The following TBL1X variants were observed in gnomAD, a reference collection of about 807,000 sequenced individuals.
The protein encoded by TBL1X is transducin beta like 1 X-linked.
A neutral mutation model predicts 50.7 loss-of-function variants in TBL1X; 10 were observed. The observed-to-expected ratio is 0.20, with a 90% CI of 0.12 to 0.33. The LOEUF (loss-of-function observed/expected upper bound fraction) is 0.33. Ranked by LOEUF, TBL1X falls within the 10% of genes least tolerant of loss-of-function variation. The probability of loss-of-function intolerance (pLI) is 1.00; values close to 1 mark genes in which losing one functional copy is unlikely to be tolerated. For synonymous variants in TBL1X, 190 were observed against 214.7 expected, an observed-to-expected ratio of 0.88 and a Z score of 1.01; for missense variants, 340 against 504.4, an observed-to-expected ratio of 0.67 and a Z score of 3.12.
chrX:9,674,218 A>C (rs2082977324), intron 5 of TBL1X, among the ~76,000 whole-genome samples: 1 of 112,158 alleles, frequency 8.9e-6, no homozygotes, highest in Non-Finnish European at 1.9e-5. Flanking sequence ...TGCAATGAGC[A>C]GCGCAGCAGA....
At chrX:9,557,484 G>T in intron 2 of TBL1X, among the ~76,000 whole-genome samples, 1 of 110,740 alleles carries the variant, frequency 9.0e-6, no homozygotes, top group Non-Finnish European at 1.9e-5. Flanking sequence ...TTGGGGCTGA[G>T]GCGACTGGAC....
At chrX:9,570,738 C>T (rs191902115) in intron 2 of TBL1X, among the ~76,000 whole-genome samples, 1,123 of 95,385 alleles carry the variant, frequency 0.012, 7 homozygotes, top group Admixed American at 0.034. Flanking sequence ...AGTGCAGTGG[C>T]GCCATCTCGG....
At chrX:9,569,472 G>A (rs144610315) in intron 2 of TBL1X, among the ~76,000 whole-genome samples, 2,443 of 111,933 alleles carry the variant, frequency 0.022, 42 homozygotes, top group African/African-American at 0.063. Flanking sequence ...CTGAGCTCAC[G>A]CCTTCTGTTT....
chrX:9,640,217 A>G lies in TBL1X; in HGVS notation c.-130-56A>G, dbSNP rs1038735430. The G allele has an allele frequency of 2.7e-5, 3 of 112,293 alleles. No individual in the cohort carries two copies. In the Admixed American group the frequency reaches 2.8e-4, roughly 11 times the overall value. The allele number at this position is 112,293 out of a possible 1,213,427, so 9.3% of individuals were successfully genotyped here. ...AAAGGAACGGGATGGTTGAGAGGTAAACACACCCCAATGATTTTTAAGTCT... is the reference window on the plus strand; with the variant it reads ...AAAGGAACGGGATGGTTGAGAGGTAGACACACCCCAATGATTTTTAAGTCT... On this transcript the variant is annotated intron_variant, in intron 2 of 17. Transcript: ENST00000645353.
intron 12 of TBL1X, among the ~76,000 whole-genome samples, chrX:9,698,913 G>T (rs1398071132): frequency 9.0e-6 from 1 of 111,729 alleles, no homozygotes. Context: ...GTTACCCAGG[G>T]CTCTGGAGTC....
intron 1 of TBL1X, among the ~76,000 whole-genome samples, chrX:9,469,164 T>TTTTGTTTG (rs59630737): frequency 9.2e-6 from 1 of 108,819 alleles, no homozygotes; most frequent in African/African-American, 3.3e-5. Context: ...AACATGCCTT[T>TTTTGTTTG]TTTGTTTGTT....
At chrX:9,495,683 C>T (rs914700598) in intron 1 of TBL1X, among the ~76,000 whole-genome samples, 4 of 111,453 alleles carry the variant, frequency 3.6e-5, no homozygotes, top group Admixed American at 1.9e-4. Flanking sequence ...CACGCCTGGC[C>T]GAACCTCATC....
Position 9,465,292 on chromosome X carries a change from G to C in TBL1X, c.-356G>C, listed in dbSNP as rs2081763754. On this transcript the variant is annotated 5_prime_UTR_variant, in exon 1 of 18. Transcript: ENST00000645353. Reference sequence around the variant, plus strand: ...CTCTCTCCGGGACTCGGCGGCGGCGGGGCGGGGGCGGCCCGGGGGCGGCGC... The same window carrying C: ...CTCTCTCCGGGACTCGGCGGCGGCGCGGCGGGGGCGGCCCGGGGGCGGCGC... 1 of 107,963 alleles carries C rather than the reference G, an allele frequency of 9.3e-6. No homozygotes were observed. The highest frequency in any genetic ancestry group is 2.0e-5 in the Non-Finnish European group (1 of 51,237). The allele number at this position is 107,963 out of a possible 1,213,427, so 8.9% of individuals were successfully genotyped here.
At chrX:9,527,536 C>G (rs1028529531) in intron 2 of TBL1X, among the ~76,000 whole-genome samples, 1 of 111,664 alleles carries the variant, frequency 9.0e-6, no homozygotes, top group African/African-American at 3.3e-5. Context: ...GGGGGTTGAT[C>G]GGTGGAACCT....
chrX:9,479,767 CTGGCTAGGCTGGGAAGAATCA>C (rs2081869561), intron 1 of TBL1X, among the ~76,000 whole-genome samples: 1 of 111,618 alleles, frequency 9.0e-6, no homozygotes, highest in Admixed American at 9.5e-5. Context: ...GCCGGCTCCC[CTGGCTAGGCTGGGAAGAATCA>C]TGGGTTCTGT....
intron 4 of TBL1X, 115 bp from the exon 5 acceptor site, chrX:9,654,098 GAT>G (rs1375462501): frequency 5.5e-6 from 3 of 542,808 alleles, no homozygotes; most frequent in East Asian, 3.7e-5. Flanking sequence ...AACACAATCA[GAT>G]ATTAATTACC....
intron 11 of TBL1X, among the ~76,000 whole-genome samples, chrX:9,695,063 T>C (rs2083123563): frequency 8.9e-6 from 1 of 112,697 alleles, no homozygotes; most frequent in Admixed American, 9.4e-5. Context: ...AATAATTGAA[T>C]TTGGCAAACT....
At chrX:9,649,267 AAAGT>A (rs1385511132) in intron 3 of TBL1X, among the ~76,000 whole-genome samples, 3 of 112,582 alleles carry the variant, frequency 2.7e-5, no homozygotes, top group Admixed American at 9.4e-5. Context: ...AAAAGCTAGC[AAAGT>A]AAGTGTTTGT....
chrX:9,674,116 AATAACAAT>A (rs1204665846), intron 5 of TBL1X, among the ~76,000 whole-genome samples: 4 of 112,493 alleles, frequency 3.6e-5, no homozygotes, highest in African/African-American at 1.3e-4. Flanking sequence ...AAAAAACAAA[AATAACAAT>A]ACAACAATTA....
intron 2 of TBL1X, among the ~76,000 whole-genome samples, chrX:9,543,166 C>T (rs1030619751): frequency 1.8e-5 from 2 of 112,111 alleles, no homozygotes; most frequent in Non-Finnish European, 3.8e-5. Flanking sequence ...GACGTGAATC[C>T]GTGTGCTGGG....
intron 2 of TBL1X, among the ~76,000 whole-genome samples, chrX:9,617,169 C>T (rs1320293612): frequency 9.0e-6 from 1 of 111,448 alleles, no homozygotes; most frequent in Non-Finnish European, 1.9e-5. Context: ...ATGTGGTGGG[C>T]ATTATGAGAT....
chrX:9,618,110 A>G (rs746701058), intron 2 of TBL1X, among the ~76,000 whole-genome samples: 1 of 112,052 alleles, frequency 8.9e-6, no homozygotes, highest in East Asian at 2.8e-4. Flanking sequence ...TCTGGAATAA[A>G]TAGGTAAATG....
chrX:9,717,594 G>A lies in TBL1X; in HGVS notation c.*1348G>A, dbSNP rs929263946. On this transcript the variant is annotated 3_prime_UTR_variant, in exon 18 of 18. Transcript: ENST00000645353. ...CCGCGCGCCCTCTGGCCTCAAGGGA[G>A]CATTGGCAGAACCATAAGGTACTGC... 3 of 113,238 alleles carry A rather than the reference G, an allele frequency of 2.6e-5. No homozygotes were observed. In the Admixed American group the frequency reaches 2.8e-4, roughly 11 times the overall value. The allele number at this position is 113,238 out of a possible 1,213,427, so 9.3% of individuals were successfully genotyped here. A position where few individuals can be genotyped will look rare whatever the true frequency, so the allele number is the denominator to read the frequency against.
intron 1 of TBL1X, among the ~76,000 whole-genome samples, chrX:9,485,704 A>G (rs1193682398): frequency 1.8e-5 from 2 of 111,102 alleles, no homozygotes; most frequent in African/African-American, 3.3e-5. Flanking sequence ...CCTTTGGGCA[A>G]AGCATAGCTA....
Sources: gnomAD v4.1 joint callset for allele counts (sites outside exome capture counted in the v4.1 genomes callset) on GRCh38, gnomAD v4.1.1 for gene constraint, MANE v1.5 for transcripts, NCBI Gene and HGNC (gene_info 2026-07-23, HGNC 2026-07-21) for gene names.